The following GRIK2 variants were observed in gnomAD, a reference collection of about 807,000 sequenced individuals.
The protein encoded by GRIK2 is glutamate receptor ionotropic, kainate 2.
GRIK2 carries 32 observed loss-of-function variants against 100.3 expected under a neutral mutation model. The ratio of observed to expected loss-of-function variants is 0.32; its 90% CI spans 0.24 to 0.43. The LOEUF (loss-of-function observed/expected upper bound fraction) is 0.43, where lower values mean the gene tolerates loss of function less well. GRIK2 is among the 20% of genes least tolerant of loss of function. GRIK2 has a pLI of 1.00. For synonymous variants in GRIK2, 417 were observed against 389.4 expected (o/e 1.07, Z -0.83); for missense variants, 843 against 1,114.9 (o/e 0.76, Z 3.47).
At chr6:101,498,880 T>C (rs1317594307) in intron 2 of GRIK2, among the ~76,000 whole-genome samples, 19 of 152,026 alleles carry the variant, frequency 1.2e-4, no homozygotes, top group Non-Finnish European at 1.6e-4. Flanking sequence ...TAATTAGATC[T>C]CATTTGTCAA....
chr6:102,003,016 C>T (rs2114269680), intron 14 of GRIK2, among the ~76,000 whole-genome samples: 1 of 151,422 alleles, frequency 6.6e-6, no homozygotes, highest in South Asian at 2.1e-4. Flanking sequence ...ATTTAAATTG[C>T]AATGCTTTTA....
chr6:101,951,694 G>A (rs1791615230), intron 14 of GRIK2, among the ~76,000 whole-genome samples: 1 of 152,152 alleles, frequency 6.6e-6, no homozygotes, highest in African/African-American at 2.4e-5. Context: ...TCTGGTGATA[G>A]TGAATAAGTC....
intron 7 of GRIK2, among the ~76,000 whole-genome samples, chr6:101,722,937 G>T (rs551353666): frequency 6.6e-6 from 1 of 151,886 alleles, no homozygotes; most frequent in East Asian, 1.9e-4. Context: ...TCCTTTTAAG[G>T]GTCCAATCCT....
chr6:101,608,338 A>G lies in GRIK2; in HGVS notation c.116-13611A>G, dbSNP rs185452903. 5.9e-5 allele frequency among the ~76,000 whole-genome samples: 9 copies of G among 152,054 alleles called. No individual in the cohort carries two copies. The South Asian group carries it at 1.2e-3, about 21-fold the overall frequency. On this transcript the variant is annotated intron_variant, in intron 2 of 16. Transcript: ENST00000369134. ...CACAGTATTCCTCTGGTGGTTTACA[A>G]TGCTATTGTAGAATCTCCTCCCAGA... is the stretch of plus-strand genomic sequence containing the variant.
intron 2 of GRIK2, among the ~76,000 whole-genome samples, chr6:101,496,264 A>G (rs952038510): frequency 2.6e-5 from 4 of 151,876 alleles, no homozygotes; most frequent in African/African-American, 4.8e-5. Context: ...TTTCCTAAAG[A>G]AAAAAAATAA....
At position 101,958,739 on chromosome 6, in the gene GRIK2, T is replaced by C. The variant is rs187054868; in HGVS notation, c.2085+30107T>C. Among the ~76,000 whole-genome samples, 7 of 152,166 alleles carry C rather than the reference T, an allele frequency of 4.6e-5. No individual in the cohort carries two copies. In the East Asian group the frequency reaches 1.4e-3, roughly 29 times the overall value. On this transcript the variant is annotated intron_variant, in intron 14 of 16. Coordinates refer to ENST00000369134, the MANE Select transcript of GRIK2 (RefSeq NM_021956.5). ...GCTGAGTGTTTTTATCATTAATGGG[T>C]GCTGAATTTTATAAAATTATTTTTT...
At chr6:102,017,001 C>T (rs944391581) in intron 14 of GRIK2, among the ~76,000 whole-genome samples, 1 of 152,028 alleles carries the variant, frequency 6.6e-6, no homozygotes, top group African/African-American at 2.4e-5. Flanking sequence ...AACTCCCAAC[C>T]AAGAGTTCCA....
chr6:101,895,348 C>G (rs1224930405), intron 12 of GRIK2, among the ~76,000 whole-genome samples: 1 of 151,588 alleles, frequency 6.6e-6, no homozygotes, highest in Admixed American at 6.6e-5. Flanking sequence ...CATGGACTCC[C>G]CAGAATCTAC....
chr6:102,047,648 G>C (rs2518151), intron 15 of GRIK2, among the ~76,000 whole-genome samples: 58,164 of 151,430 alleles, frequency 0.38, 11,642 homozygotes, highest in Middle Eastern at 0.45. Flanking sequence ...ACTCAGGAGG[G>C]TGAGGCAGGA....
At chr6:101,913,749 CA>C (rs1329199245) in intron 12 of GRIK2, among the ~76,000 whole-genome samples, 1 of 151,172 alleles carries the variant, frequency 6.6e-6, no homozygotes, top group African/African-American at 2.4e-5. Flanking sequence ...AGAACATTAA[CA>C]AAGTAAAGAG....
At chr6:101,913,631 T>C (rs76365531) in intron 12 of GRIK2, among the ~76,000 whole-genome samples, 13,187 of 151,354 alleles carry the variant, frequency 0.087, 798 homozygotes, top group Middle Eastern at 0.2. Context: ...AAATATGGAG[T>C]AGCATATTTA....
chr6:101,632,800 C>G (rs1378468493), intron 4 of GRIK2, among the ~76,000 whole-genome samples: 6 of 151,984 alleles, frequency 3.9e-5, no homozygotes, highest in African/African-American at 9.7e-5. Context: ...ACACTACACT[C>G]TAGTGTAACA....
At chr6:101,744,547 T>TACACAC in intron 7 of GRIK2, 1 of 129,336 alleles carries the variant, frequency 7.7e-6, no homozygotes, top group African/African-American at 3.0e-5. Context: ...TATATATATA[T>TACACAC]ATATATATAT....
At chr6:101,689,841 G>A (rs117658908) in intron 7 of GRIK2, among the ~76,000 whole-genome samples, 10 of 152,172 alleles carry the variant, frequency 6.6e-5, no homozygotes, top group Non-Finnish European at 1.3e-4. Context: ...TCCATACTCT[G>A]CATTCTGTAT....
At chr6:101,823,851 G>A (rs942612284) in intron 10 of GRIK2, among the ~76,000 whole-genome samples, 1 of 149,150 alleles carries the variant, frequency 6.7e-6, no homozygotes, top group Non-Finnish European at 1.5e-5. Context: ...TTGTTTACAT[G>A]AGTAAGTTCT....
intron 4 of GRIK2, among the ~76,000 whole-genome samples, chr6:101,629,108 T>C (rs753692980): frequency 1.1e-4 from 17 of 152,092 alleles, no homozygotes; most frequent in Admixed American, 3.3e-4. Context: ...GACATATGTA[T>C]AGCTAGTTGA....
At chr6:101,474,161 A>C (rs1363428310) in intron 2 of GRIK2, among the ~76,000 whole-genome samples, 4 of 151,788 alleles carry the variant, frequency 2.6e-5, no homozygotes, top group African/African-American at 9.7e-5. Flanking sequence ...GTCTTCACCC[A>C]CCCCAAAGAA....
chr6:101,638,416 G>C (rs1781123696), intron 4 of GRIK2, among the ~76,000 whole-genome samples: 1 of 151,834 alleles, frequency 6.6e-6, no homozygotes, highest in Admixed American at 6.6e-5. Flanking sequence ...GATGTGTAGG[G>C]AGTACATGGG....
chr6:101,428,780 C>T (rs72957647), intron 2 of GRIK2, among the ~76,000 whole-genome samples: 5,845 of 152,250 alleles, frequency 0.038, 150 homozygotes, highest in Non-Finnish European at 0.058. Context: ...TCCTAAGGAA[C>T]GTTAAGTGTT....
Sources: allele counts gnomAD v4.1 joint callset (sites outside exome capture counted in the v4.1 genomes callset), GRCh38; gene constraint gnomAD v4.1.1; transcripts MANE v1.5; gene names NCBI Gene and HGNC (gene_info 2026-07-23, HGNC 2026-07-21).